The following MDGA1 variants were observed in gnomAD, a reference collection of about 807,000 sequenced individuals.
The protein encoded by MDGA1 is MAM domain-containing glycosylphosphatidylinositol anchor protein 1.
MDGA1 carries 54 observed loss-of-function variants against 101.5 expected under a neutral mutation model. That is an observed-to-expected ratio of 0.53 (90% confidence interval 0.43 to 0.67). MDGA1 has a LOEUF of 0.67. Ranked by LOEUF, MDGA1 falls within the 30% of genes least tolerant of loss-of-function variation. The probability of loss-of-function intolerance (pLI) is 0.00; values close to 1 mark genes in which losing one functional copy is unlikely to be tolerated. For synonymous variants in MDGA1, 533 were observed against 558.3 expected, an observed-to-expected ratio of 0.95 and a Z score of 0.64; for missense variants, 1,083 against 1,323.8, an observed-to-expected ratio of 0.82 and a Z score of 2.82.
chr6:37,677,249 C>T (rs1484103704), intron 1 of MDGA1, among the ~76,000 whole-genome samples: 3 of 152,284 alleles, frequency 2.0e-5, no homozygotes, highest in South Asian at 2.1e-4. Flanking sequence ...ACAACACCAG[C>T]TCAAACTTTC....
At chr6:37,673,134 C>T (rs1042609354) in intron 1 of MDGA1, among the ~76,000 whole-genome samples, 3 of 152,146 alleles carry the variant, frequency 2.0e-5, no homozygotes, top group African/African-American at 4.8e-5. Context: ...CCCAAGGACA[C>T]CCCATTGGTC....
At chr6:37,651,446 AAT>A (rs1761358004) in intron 7 of MDGA1, among the ~76,000 whole-genome samples, 1 of 152,228 alleles carries the variant, frequency 6.6e-6, no homozygotes, top group South Asian at 2.1e-4. Context: ...TTGTTAGTAT[AAT>A]ATATACTCTA....
chr6:37,638,199 T>C lies in MDGA1; in HGVS notation c.2776+6A>G. The C allele has an allele frequency of 1.9e-6, 3 of 1,611,518 alleles. No homozygotes were observed. Among genetic ancestry groups the C allele is most frequent in the Non-Finnish European group, 2.5e-6 (3 of 1,177,972 alleles). On this transcript the variant is annotated splice_donor_region_variant and intron_variant, in intron 16 of 16. Transcript: ENST00000434837. This position sits in a 1 kb window ranked among gnomAD's most constrained non-coding sequence, Gnocchi z 4.8. ...TCAGCTCCCCCACCTCCTTCCCGTC[T>C]TGCACCTTTATTGGGATCCGTCTGC...
At chr6:37,695,786 C>G (rs766941501) in intron 1 of MDGA1, among the ~76,000 whole-genome samples, 10 of 152,244 alleles carry the variant, frequency 6.6e-5, no homozygotes, top group Non-Finnish European at 1.5e-4. Context: ...GGGACCTGGA[C>G]AAACCATCCT....
At chr6:37,669,562 G>A (rs1761827315) in intron 1 of MDGA1, among the ~76,000 whole-genome samples, 1 of 152,066 alleles carries the variant, frequency 6.6e-6, no homozygotes, top group Non-Finnish European at 1.5e-5. Context: ...TTTAACATGA[G>A]TCAGCCTCCC....
intron 14 of MDGA1, among the ~76,000 whole-genome samples, chr6:37,640,003 G>A (rs926918908): frequency 2.6e-5 from 4 of 152,180 alleles, no homozygotes; most frequent in African/African-American, 9.7e-5. Context: ...TTCCTGCAAG[G>A]AGTCAAATAG....
Position 37,654,729 on chromosome 6 carries a change from G to T in MDGA1, c.712+71C>A. On this transcript the variant is annotated intron_variant, in intron 5 of 16. Transcript: ENST00000434837. ...GGCAGTGTGCCTGGAGTCCCTGTGG[G>T]GTGGGGCACTATCTCCTGGTTGGGA... 5 of 1,594,434 alleles carry T rather than the reference G, an allele frequency of 3.1e-6. No homozygotes were observed. In the South Asian group the frequency reaches 3.4e-5, roughly 11 times the overall value.
chr6:37,691,758 G>A (rs778879202), intron 1 of MDGA1, among the ~76,000 whole-genome samples: 75 of 152,224 alleles, frequency 4.9e-4, no homozygotes, highest in Non-Finnish European at 1.9e-4. Flanking sequence ...TTGGTACATA[G>A]TACCTTCTAG....
intron 2 of MDGA1, among the ~76,000 whole-genome samples, chr6:37,658,912 A>T (rs1373787933): frequency 7.0e-6 from 1 of 143,432 alleles, no homozygotes; most frequent in African/African-American, 2.6e-5. Flanking sequence ...CGGGGGTTGC[A>T]GTGAGCCGAG....
At position 37,679,197 on chromosome 6, in the gene MDGA1, GA is replaced by G. The variant is rs375210229; in HGVS notation, c.68-15092del. ...GATCTGATTATAATGCTGAGCCTCT[GA>G]AACAACTTTTAAATGACTTGAAATC... On this transcript the variant is annotated intron_variant, in intron 1 of 16. Transcript: ENST00000434837. Among the ~76,000 whole-genome samples the G allele has an allele frequency of 2.7e-3, 411 of 152,238 alleles. 3 individuals carry two copies. Among genetic ancestry groups the G allele is most frequent in the African/African-American group, 9.5e-3 (394 of 41,532 alleles).
intron 5 of MDGA1, 35 bp downstream of exon 5, chr6:37,654,765 G>A (rs1302834803): frequency 6.2e-7 from 1 of 1,612,560 alleles, no homozygotes; most frequent in Admixed American, 1.7e-5. Flanking sequence ...GTTAGCTCAG[G>A]TAGGGAAGGA....
In MDGA1 at chr6:37,634,476, C is replaced by T. The variant is rs1039644251; in HGVS notation, c.*2892G>A. 1 of 153,260 alleles carries T rather than the reference C, an allele frequency of 6.5e-6. No homozygotes were observed. Among genetic ancestry groups the T allele is most frequent in the African/African-American group, 2.4e-5 (1 of 41,444 alleles). 9.5% of individuals were successfully genotyped at this position (153,260 alleles called of 1,614,324 possible). A position where few individuals can be genotyped will look rare whatever the true frequency, so the allele number is the denominator to read the frequency against. ...GCTCACAGGCACACACAGACACAGACACTGACAAGTCACCAGGTGATACAC... is the reference window on the plus strand; with the variant it reads ...GCTCACAGGCACACACAGACACAGATACTGACAAGTCACCAGGTGATACAC... On this transcript the variant is annotated 3_prime_UTR_variant, in exon 17 of 17. Coordinates refer to ENST00000434837, the MANE Select transcript of MDGA1 (RefSeq NM_153487.4). This position sits in a 1 kb window ranked among gnomAD's most constrained non-coding sequence, Gnocchi z 4.7.
intron 11 of MDGA1, 121 bp from the exon 12 acceptor site, chr6:37,646,077 C>A: frequency 6.3e-7 from 1 of 1,575,906 alleles, no homozygotes; most frequent in Non-Finnish European, 8.7e-7. Context: ...CGGATCTGGC[C>A]TGCAGTGACA....
chr6:37,643,538 T>A (rs1021704385), intron 14 of MDGA1, among the ~76,000 whole-genome samples: 1 of 152,124 alleles, frequency 6.6e-6, no homozygotes, highest in Admixed American at 6.5e-5. Flanking sequence ...TCCCAAAGGG[T>A]TGGGATTACA....
intron 14 of MDGA1, among the ~76,000 whole-genome samples, chr6:37,641,438 GC>G (rs1764077818): frequency 6.6e-6 from 1 of 152,114 alleles, no homozygotes; most frequent in Non-Finnish European, 1.5e-5. Flanking sequence ...TTCTCCTCTA[GC>G]ACCCCTCAGT....
chr6:37,641,521 T>C (rs1370016350), intron 14 of MDGA1, among the ~76,000 whole-genome samples: 1 of 152,128 alleles, frequency 6.6e-6, no homozygotes, highest in Non-Finnish European at 1.5e-5. Flanking sequence ...GCCTCCAAAA[T>C]CTCCCCTTTC....
chr6:37,675,271 C>T (rs550677746), intron 1 of MDGA1, among the ~76,000 whole-genome samples: 1 of 152,262 alleles, frequency 6.6e-6, no homozygotes, highest in South Asian at 2.1e-4. Flanking sequence ...TGTTTAACCT[C>T]CTTTAGCCTC....
chr6:37,673,169 T>C (rs867132241), intron 1 of MDGA1, among the ~76,000 whole-genome samples: 3 of 152,144 alleles, frequency 2.0e-5, no homozygotes, highest in Non-Finnish European at 2.9e-5. Flanking sequence ...CTCTCCGTCT[T>C]TCATGCTAAC....
chr6:37,643,027 C>T lies in MDGA1; in HGVS notation c.2536+782G>A, dbSNP rs1764128193. Among the ~76,000 whole-genome samples the T allele has an allele frequency of 2.0e-5, 3 of 152,238 alleles. No individual in the cohort carries two copies. The South Asian group carries it at 6.2e-4, about 32-fold the overall frequency. Reference sequence around the variant, plus strand: ...CTCTCACTGCCCACAAAGAAGCACCCTTCCGATCTCATGTTTAGGGCTTGG... The same window carrying T: ...CTCTCACTGCCCACAAAGAAGCACCTTTCCGATCTCATGTTTAGGGCTTGG... On this transcript the variant is annotated intron_variant, in intron 14 of 16. Transcript: ENST00000434837.
Sources: allele counts gnomAD v4.1 joint callset (sites outside exome capture counted in the v4.1 genomes callset), GRCh38; gene constraint gnomAD v4.1.1; non-coding constraint Gnocchi (gnomAD v3.1); transcripts MANE v1.5; gene names NCBI Gene and HGNC (gene_info 2026-07-23, HGNC 2026-07-21).